DISC1: variants seen among roughly 807,000 people sequenced by gnomAD.
DISC1 encodes DISC1 scaffold protein, also known as disrupted in schizophrenia 1 protein.
In DISC1, 57 loss-of-function variants were observed where a neutral mutation model predicts 84.5. The ratio of observed to expected loss-of-function variants is 0.67; its 90% CI spans 0.55 to 0.84. The LOEUF is 0.84. Ranked by LOEUF, DISC1 falls within the 40% of genes least tolerant of loss-of-function variation. The probability of loss-of-function intolerance (pLI) is 0.00; values close to 1 mark genes in which losing one functional copy is unlikely to be tolerated. For synonymous variants in DISC1, 411 were observed against 415.2 expected (o/e 0.99, Z 0.12); for missense variants, 1,000 against 1,057.8 (o/e 0.95, Z 0.76).
intron 3 of DISC1, among the ~76,000 whole-genome samples, chr1:231,712,170 A>T (rs2067957608): frequency 6.6e-6 from 1 of 152,280 alleles, no homozygotes; most frequent in Non-Finnish European, 1.5e-5. Flanking sequence ...TTTCCCCAAG[A>T]ATGTTGGGAG....
In DISC1 at chr1:232,036,919, G is replaced by T; in HGVS notation, c.*88G>T. 1 of 1,374,452 alleles carries T rather than the reference G, an allele frequency of 7.3e-7. No homozygotes were observed. Among genetic ancestry groups the T allele is most frequent in the Non-Finnish European group, 9.6e-7 (1 of 1,037,474 alleles). The allele number at this position is 1,374,452 out of a possible 1,614,324, so 85.1% of individuals were successfully genotyped here. On this transcript the variant is annotated 3_prime_UTR_variant, in exon 13 of 13. Coordinates refer to ENST00000439617, the MANE Select transcript of DISC1 (RefSeq NM_018662.3). ...CTCCCCCGCCATAGCTAAGATGCCT[G>T]AATCAATTACGGAGATACAGAGCCT...
chr1:231,804,460 CTTTT>C (rs559499171), intron 8 of DISC1, among the ~76,000 whole-genome samples: 1 of 140,122 alleles, frequency 7.1e-6, no homozygotes, highest in Non-Finnish European at 1.6e-5. Context: ...ATCCCCCTTC[CTTTT>C]TTTTTTTTTT....
chr1:231,752,307 G>T (rs1307519939), intron 4 of DISC1, among the ~76,000 whole-genome samples: 2 of 152,144 alleles, frequency 1.3e-5, no homozygotes, highest in Non-Finnish European at 2.9e-5. Context: ...CTCAGCTTCT[G>T]GGGAGGCCTC....
At chr1:231,771,251 G>A in intron 6 of DISC1, 181 bp downstream of exon 6, 1 of 985,050 alleles carries the variant, frequency 1.0e-6, no homozygotes, top group African/African-American at 1.7e-5. Flanking sequence ...CCTGAACATT[G>A]CAAGTTATTT....
At chr1:231,759,549 A>AAAC (rs1558492871) in intron 4 of DISC1, among the ~76,000 whole-genome samples, 63 of 139,172 alleles carry the variant, frequency 4.5e-4, no homozygotes, top group Non-Finnish European at 6.4e-4. Context: ...AAAAAAAAAA[A>AAAC]AACAAAACTA....
At chr1:231,912,187 A>T (rs2089263060) in intron 9 of DISC1, among the ~76,000 whole-genome samples, 2 of 152,190 alleles carry the variant, frequency 1.3e-5, no homozygotes, top group Non-Finnish European at 2.9e-5. Context: ...AACTTGTCAA[A>T]GTCATTCTCC....
intron 9 of DISC1, among the ~76,000 whole-genome samples, chr1:231,909,340 A>C (rs934230823): frequency 6.6e-6 from 1 of 152,214 alleles, no homozygotes; most frequent in Non-Finnish European, 1.5e-5. Flanking sequence ...TTTGAGATAC[A>C]TCCCATCAAT....
chr1:231,799,232 C>T (rs1289568774), intron 7 of DISC1, among the ~76,000 whole-genome samples: 1 of 152,160 alleles, frequency 6.6e-6, no homozygotes, highest in East Asian at 1.9e-4. Flanking sequence ...TCAAACCTCA[C>T]TGAGAGTTAC....
intron 11 of DISC1, among the ~76,000 whole-genome samples, chr1:232,010,835 T>G (rs821623): frequency 0.28 from 42,999 of 152,064 alleles, 6,369 homozygotes; most frequent in African/African-American, 0.33. Flanking sequence ...GCTGCATCCC[T>G]GTGTCTTCAG....
chr1:231,732,868 T>C (rs1423353787), intron 3 of DISC1, among the ~76,000 whole-genome samples: 1 of 151,978 alleles, frequency 6.6e-6, no homozygotes, highest in African/African-American at 2.4e-5. Flanking sequence ...GTCGTGGTGC[T>C]GATGATAGTA....
At chr1:231,950,477 T>C (rs1202541098) in intron 9 of DISC1, among the ~76,000 whole-genome samples, 1 of 152,214 alleles carries the variant, frequency 6.6e-6, no homozygotes, top group Non-Finnish European at 1.5e-5. Context: ...AAAGTTAGCC[T>C]GTCTTTCCAT....
intron 9 of DISC1, among the ~76,000 whole-genome samples, chr1:231,885,861 C>A (rs536490087): frequency 4.9e-4 from 75 of 152,302 alleles, no homozygotes; most frequent in African/African-American, 1.7e-3. Flanking sequence ...GATTCCCACT[C>A]AGTTGTCCTA....
intron 4 of DISC1, among the ~76,000 whole-genome samples, chr1:231,754,871 T>A (rs922644299): frequency 3.3e-5 from 5 of 152,168 alleles, no homozygotes; most frequent in African/African-American, 1.2e-4. Flanking sequence ...GCTTACTTTA[T>A]GAGCTATCAT....
chr1:231,854,362 T>G lies in DISC1; in HGVS notation c.1981+35845T>G, dbSNP rs77949208. 2.6e-3 allele frequency among the ~76,000 whole-genome samples: 390 copies of G among 152,328 alleles called. 2 individuals are homozygous for G. Among genetic ancestry groups the G allele is most frequent in the East Asian group, 0.022 (114 of 5,182 alleles). On this transcript the variant is annotated intron_variant, in intron 9 of 12. Transcript: ENST00000439617. ...TGTGATATATAGAACTGTAAAACTT[T>G]TAAAAAGTAAAATGCCTGTTAAATT...
intron 9 of DISC1, among the ~76,000 whole-genome samples, chr1:231,898,320 G>A (rs1434278452): frequency 6.6e-6 from 1 of 152,144 alleles, no homozygotes; most frequent in Non-Finnish European, 1.5e-5. Context: ...CTGTTTTCAT[G>A]TTCAGAAGGA....
At chr1:231,701,494 A>T (rs2066414867) in intron 2 of DISC1, among the ~76,000 whole-genome samples, 1 of 152,184 alleles carries the variant, frequency 6.6e-6, no homozygotes, top group South Asian at 2.1e-4. Context: ...GTTTTGTGAG[A>T]GCTTTGCCAT....
chr1:231,661,761 A>G (rs992485448), intron 1 of DISC1, among the ~76,000 whole-genome samples: 1 of 152,142 alleles, frequency 6.6e-6, no homozygotes, highest in Non-Finnish European at 1.5e-5. Context: ...CAGTCATCTC[A>G]GCCTCAGCCC....
intron 3 of DISC1, among the ~76,000 whole-genome samples, chr1:231,717,637 T>C (rs2068942258): frequency 6.6e-6 from 1 of 152,068 alleles, no homozygotes; most frequent in Admixed American, 6.6e-5. Context: ...TAAGCAGCAG[T>C]GAAGAAGAGA....
At position 231,936,547 on chromosome 1, in the gene DISC1, G is replaced by A. The variant is rs150951722; in HGVS notation, c.1982-22281G>A. ...TTTATTTGTGGAAGGTAGATGTCAT[G>A]AAGAGTTGCATAATTAAACTAGTAC... On this transcript the variant is annotated intron_variant, in intron 9 of 12. Coordinates refer to ENST00000439617, the MANE Select transcript of DISC1 (RefSeq NM_018662.3). 1.5e-3 allele frequency among the ~76,000 whole-genome samples: 231 copies of A among 152,304 alleles called. 2 individuals carry two copies. The highest frequency in any genetic ancestry group is 8.4e-3 in the Admixed American group (128 of 15,310).
Sources: allele counts gnomAD v4.1 joint callset (sites outside exome capture counted in the v4.1 genomes callset), GRCh38; gene constraint gnomAD v4.1.1; transcripts MANE v1.5; gene names NCBI Gene and HGNC (gene_info 2026-07-23, HGNC 2026-07-21).